The following DOCK5 variants were observed in gnomAD, a reference collection of about 807,000 sequenced individuals.
The protein encoded by DOCK5 is dedicator of cytokinesis 5.
In DOCK5, 142 loss-of-function variants were observed where a neutral mutation model predicts 251.8. The observed-to-expected ratio is 0.56, with a 90% CI of 0.49 to 0.65. The LOEUF is 0.65. Among genes scored for constraint, DOCK5 ranks in the 30% least tolerant of loss-of-function variants. The probability of loss-of-function intolerance (pLI) is 0.00; values close to 1 mark genes in which losing one functional copy is unlikely to be tolerated. For synonymous variants in DOCK5, 842 were observed against 835.5 expected, an observed-to-expected ratio of 1.01 and a Z score of -0.13; for missense variants, 2,111 against 2,312.3, an observed-to-expected ratio of 0.91 and a Z score of 1.79.
At chr8:25,307,087 C>T (rs1342979504) in intron 11 of DOCK5, among the ~76,000 whole-genome samples, 1 of 151,474 alleles carries the variant, frequency 6.6e-6, no homozygotes, top group Non-Finnish European at 1.5e-5. Context: ...TATAATATCA[C>T]TAGGCAATAG....
At chr8:25,286,988 C>T (rs1353729863) in intron 5 of DOCK5, among the ~76,000 whole-genome samples, 2 of 152,152 alleles carry the variant, frequency 1.3e-5, no homozygotes, top group African/African-American at 4.8e-5. Flanking sequence ...TCCCTGTGGT[C>T]TGCATTCTTT....
intron 1 of DOCK5, among the ~76,000 whole-genome samples, chr8:25,208,492 A>G (rs989355942): frequency 2.0e-5 from 3 of 152,238 alleles, no homozygotes; most frequent in Non-Finnish European, 4.4e-5. Flanking sequence ...AGCAACTGCC[A>G]CCCTGATCCA....
intron 51 of DOCK5, among the ~76,000 whole-genome samples, chr8:25,410,710 A>G (rs5890232): frequency 1.3e-4 from 16 of 125,952 alleles, no homozygotes; most frequent in Admixed American, 7.8e-4. Flanking sequence ...GATCCCCCCC[A>G]CCCACCTCAG....
At chr8:25,259,190 A>C (rs1803502531) in intron 2 of DOCK5, among the ~76,000 whole-genome samples, 1 of 152,138 alleles carries the variant, frequency 6.6e-6, no homozygotes, top group Admixed American at 6.5e-5. Context: ...TTTTTCACTT[A>C]GATGGTGTGC....
chr8:25,237,195 T>A (rs772258282), intron 1 of DOCK5, among the ~76,000 whole-genome samples: 13 of 151,964 alleles, frequency 8.6e-5, no homozygotes, highest in Non-Finnish European at 1.5e-4. Flanking sequence ...GGTGAAACTT[T>A]GTCTCTACAA....
intron 47 of DOCK5, 146 bp downstream of exon 47, chr8:25,401,212 C>A: frequency 8.4e-7 from 1 of 1,186,496 alleles, no homozygotes; most frequent in Non-Finnish European, 1.2e-6. Context: ...AGTGTGTTCC[C>A]CTCTTGGTGA....
At chr8:25,317,997 G>A (rs1304766202) in intron 14 of DOCK5, among the ~76,000 whole-genome samples, 5 of 152,326 alleles carry the variant, frequency 3.3e-5, no homozygotes, top group African/African-American at 1.2e-4. Flanking sequence ...GTTAGTGGCA[G>A]AGCTGGGAGG....
rs1804507366 is a variant in DOCK5, at chr8:25,292,130, A to G, written c.428A>G (p.Glu143Gly). 5 of 1,585,240 alleles carry G rather than the reference A, an allele frequency of 3.2e-6. No individual in the cohort carries two copies. Among genetic ancestry groups the G allele is most frequent in the Middle Eastern group, 1.7e-4 (1 of 6,024 alleles). Residue 143 changes from glutamate to glycine, a missense_variant, in exon 6 of 52, where the codon GAG (glutamate) becomes GGG (glycine). By Grantham distance (98) the Glu-to-Gly change is moderately conservative. Transcript: ENST00000276440. ...SGTLPKDELAELKKKVTAKID... is the reference protein window; with the variant it reads ...SGTLPKDELAGLKKKVTAKID... ...ACGCTCCCCAAGGATGAACTGGCAG[A>G]GCTCAAGAAGAAAGTCACAGCCAAA... is the stretch of plus-strand genomic sequence containing the variant.
intron 50 of DOCK5, 147 bp downstream of exon 50, chr8:25,409,087 G>A (rs747888504): frequency 1.7e-4 from 215 of 1,255,624 alleles, no homozygotes; most frequent in Non-Finnish European, 2.3e-4. Flanking sequence ...TATACAGTTA[G>A]ACTGGAGTTT....
At chr8:25,202,406 C>T (rs899296706) in intron 1 of DOCK5, among the ~76,000 whole-genome samples, 6 of 152,184 alleles carry the variant, frequency 3.9e-5, no homozygotes, top group Non-Finnish European at 7.3e-5. Context: ...TACTCACTCA[C>T]TGGCTTAGAA....
intron 3 of DOCK5, among the ~76,000 whole-genome samples, chr8:25,274,884 G>A (rs1041358661): frequency 6.6e-6 from 1 of 152,072 alleles, no homozygotes; most frequent in Admixed American, 6.6e-5. Context: ...TGCGGGTTGT[G>A]CAGGGCTGCG....
In DOCK5 at chr8:25,390,137, A is replaced by T. The variant is rs527963448; in HGVS notation, c.4274-69A>T. Reference sequence around the variant, plus strand: ...GCATTTCCGGCTGTGAAGCAGGAGGAACAGGGGTGTTTGGTGTCTGACACC... The same window carrying T: ...GCATTTCCGGCTGTGAAGCAGGAGGTACAGGGGTGTTTGGTGTCTGACACC... On this transcript the variant is annotated intron_variant, in intron 41 of 51. Transcript: ENST00000276440. The T allele has an allele frequency of 1.7e-5, 24 of 1,377,796 alleles. No individual in the cohort carries two copies. In the South Asian group the frequency reaches 3.0e-4, roughly 17 times the overall value. 85.3% of individuals were successfully genotyped at this position (1,377,796 alleles called of 1,614,324 possible).
intron 7 of DOCK5, among the ~76,000 whole-genome samples, chr8:25,298,742 T>C (rs1804681203): frequency 6.6e-6 from 1 of 152,010 alleles, no homozygotes; most frequent in African/African-American, 2.4e-5. Context: ...AAAAAAATTT[T>C]TTTGTAGAGA....
At chr8:25,188,494 T>C (rs189166100) in intron 1 of DOCK5, among the ~76,000 whole-genome samples, 2 of 152,262 alleles carry the variant, frequency 1.3e-5, no homozygotes, top group African/African-American at 4.8e-5. Flanking sequence ...AGCTTTGGAC[T>C]CAGTATGAAT....
Position 25,400,953 on chromosome 8 carries a change from C to T in DOCK5, c.4813C>T (p.Arg1605Cys), listed in dbSNP as rs773593733. The T allele has an allele frequency of 4.3e-6, 7 of 1,613,978 alleles. No homozygotes were observed. The South Asian group carries it at 4.4e-5, about 10-fold the overall frequency. The change falls in exon 47 of 52, where the codon CGC becomes TGC. Residue 1605 changes from arginine (R) to cysteine (C), a missense_variant. Coordinates refer to ENST00000276440, the MANE Select transcript of DOCK5 (RefSeq NM_024940.8). Reference sequence around the variant, plus strand: ...GATGCCCCTGCTAACAGAAGGGATCCGCATCCATGGGGAGAAACTCACAGA... The same window carrying T: ...GATGCCCCTGCTAACAGAAGGGATCTGCATCCATGGGGAGAAACTCACAGA... The part of the protein sequence containing the change: ...LQMPLLTEGI[R>C]IHGEKLTEQL...
chr8:25,351,896 T>A, intron 27 of DOCK5, 70 bp downstream of exon 27: 1 of 1,272,872 alleles, frequency 7.9e-7, no homozygotes, highest in Non-Finnish European at 1.1e-6. Flanking sequence ...CGGGAGGCCT[T>A]CGGGGCCAGT....
chr8:25,290,827 C>G (rs1460688129), intron 5 of DOCK5, among the ~76,000 whole-genome samples: 1 of 152,134 alleles, frequency 6.6e-6, no homozygotes, highest in African/African-American at 2.4e-5. Context: ...GGAACAAATT[C>G]TGGGCACTGT....
At chr8:25,385,955 G>A (rs1303534498) in intron 40 of DOCK5, among the ~76,000 whole-genome samples, 1 of 152,206 alleles carries the variant, frequency 6.6e-6, no homozygotes, top group Non-Finnish European at 1.5e-5. Context: ...TTGAGCAAAG[G>A]TCCCAGACCT....
chr8:25,410,646 G>C (rs1231204894), intron 51 of DOCK5, among the ~76,000 whole-genome samples: 6 of 151,612 alleles, frequency 4.0e-5, no homozygotes, highest in Admixed American at 3.9e-4. Context: ...ATCTTTTGTT[G>C]AAATGGGGTC....
Sources: gnomAD v4.1 joint callset for allele counts (sites outside exome capture counted in the v4.1 genomes callset) on GRCh38, gnomAD v4.1.1 for gene constraint, MANE v1.5 for transcripts, NCBI Gene and HGNC (gene_info 2026-07-23, HGNC 2026-07-21) for gene names.